Variants in NLRP11 observed in about 807,000 individuals in gnomAD.
The protein encoded by NLRP11 is NLR family pyrin domain containing 11.
Under a neutral mutation model 79.3 loss-of-function variants are expected in NLRP11, and 53 were observed. That is an observed-to-expected ratio of 0.67 (90% CI 0.54 to 0.84). The LOEUF (loss-of-function observed/expected upper bound fraction) is 0.84, where lower values mean the gene tolerates loss of function less well. Ranked by LOEUF, NLRP11 falls within the 40% of genes least tolerant of loss-of-function variation. NLRP11 has a pLI of 0.00. For missense variants in NLRP11, 1,264 were observed against 1,255.0 expected, an observed-to-expected ratio of 1.01 and a Z score of -0.11; for synonymous variants, 518 against 462.6, an observed-to-expected ratio of 1.12 and a Z score of -1.54.
At chr19:55,822,953 G>C (rs918276918) in intron 1 of NLRP11, among the ~76,000 whole-genome samples, 51 of 152,268 alleles carry the variant, frequency 3.3e-4, no homozygotes, top group Admixed American at 3.9e-4. Flanking sequence ...CTCCACCTCT[G>C]GGGGCAGGGC....
chr19:55,798,277 C>A, intron 5 of NLRP11: 2 of 975,282 alleles, frequency 2.1e-6, no homozygotes, highest in Non-Finnish European at 2.4e-6. Flanking sequence ...GGATTCCAGG[C>A]GTGAGCCGTC....
chr19:55,806,299 C>A (rs1028646182), intron 4 of NLRP11, among the ~76,000 whole-genome samples: 1 of 152,234 alleles, frequency 6.6e-6, no homozygotes, highest in Non-Finnish European at 1.5e-5. Context: ...TTACACACTG[C>A]TCTCTGGACA....
At chr19:55,831,100 A>ACCCCCCCCCCCCCCCCCCCCC (rs1568647584) in intron 1 of NLRP11, among the ~76,000 whole-genome samples, 1 of 27,522 alleles carries the variant, frequency 3.6e-5, no homozygotes. Context: ...CCACCGCCCC[A>ACCCCCCCCCCCCCCCCCCCCC]CCCCCCCCAT....
Position 55,820,349 on chromosome 19 carries a change from T to C in NLRP11, c.-62-2113A>G, listed in dbSNP as rs1981567541. ...CTCAGTTTTAGGAAATCATATACAA[T>C]TTTAGGGCAAAGGAGAAGACAAACC... On this transcript the variant is annotated intron_variant, in intron 1 of 9. Coordinates refer to ENST00000589093, the Ensembl canonical transcript of NLRP11. 3.3e-5 allele frequency among the ~76,000 whole-genome samples: 5 copies of C among 150,780 alleles called. No homozygotes were observed. The South Asian group carries it at 8.9e-4, about 27-fold the overall frequency.
chr19:55,796,143 C>G, exon 6 of NLRP11: 1 of 1,614,130 alleles, frequency 6.2e-7, no homozygotes, highest in Admixed American at 1.7e-5. Flanking sequence ...CATCCCGTCG[C>G]TCCTCAGCGG....
intron 1 of NLRP11, among the ~76,000 whole-genome samples, chr19:55,818,845 C>T (rs1423943137): frequency 6.6e-6 from 1 of 151,982 alleles, no homozygotes; most frequent in African/African-American, 2.4e-5. Flanking sequence ...AAAGACAGCC[C>T]CTAGGTTATT....
intron 2 of NLRP11, among the ~76,000 whole-genome samples, chr19:55,816,298 T>G (rs996679223): frequency 3.3e-5 from 5 of 152,240 alleles, no homozygotes; most frequent in Non-Finnish European, 5.9e-5. Context: ...AAGGTCATTA[T>G]GTAATACAGG....
At chr19:55,824,213 T>A (rs894190752) in intron 1 of NLRP11, among the ~76,000 whole-genome samples, 1 of 145,362 alleles carries the variant, frequency 6.9e-6, no homozygotes, top group Non-Finnish European at 1.5e-5. Context: ...AAGCAAATGC[T>A]GAGAGATTTT....
chr19:55,816,771 A>G (rs1455145753), intron 2 of NLRP11, among the ~76,000 whole-genome samples: 1 of 152,196 alleles, frequency 6.6e-6, no homozygotes, highest in African/African-American at 2.4e-5. Context: ...GCTCTAGCTC[A>G]AGTACTTTCT....
chr19:55,830,082 A>G (rs1045948156), intron 1 of NLRP11, among the ~76,000 whole-genome samples: 10 of 152,218 alleles, frequency 6.6e-5, no homozygotes, highest in Non-Finnish European at 1.5e-4. Flanking sequence ...AAGTGGACAC[A>G]TGCAGCTCAA....
intron 1 of NLRP11, among the ~76,000 whole-genome samples, chr19:55,827,076 A>G (rs1600205732): frequency 6.9e-6 from 1 of 144,328 alleles, no homozygotes; most frequent in Non-Finnish European, 1.5e-5. Context: ...GATATAGATC[A>G]ATGGAACAGA....
intron 9 of NLRP11, among the ~76,000 whole-genome samples, chr19:55,786,373 A>G (rs299185): frequency 0.4 from 60,325 of 151,808 alleles, 13,673 homozygotes; most frequent in Non-Finnish European, 0.5. Flanking sequence ...AAGATACAAA[A>G]ACTTAGCCGG....
Position 55,809,250 on chromosome 19 carries a change from G to A in NLRP11, c.1360C>T (p.Gln454Ter), listed in dbSNP as rs1159713609. ...AATGCAATGGCTGTACAAAACTCCT[G>A]GACGTTCAAGTGTATGAACTTGTAA... Residue 454 changes from glutamine (Q) to a stop codon, truncating the protein, a stop_gained, in exon 3 of 10, where the codon CAG becomes TAG. Transcript: ENST00000589093. LOFTEE classifies it high-confidence loss of function. This position sits in a 1 kb window ranked among gnomAD's most constrained non-coding sequence, Gnocchi z 4.5. 11 of 1,613,908 alleles carry A rather than the reference G, an allele frequency of 6.8e-6. No homozygotes were observed. The highest frequency in any genetic ancestry group is 2.5e-6 in the Non-Finnish European group (3 of 1,179,922).
intron 6 of NLRP11, among the ~76,000 whole-genome samples, chr19:55,794,495 T>C (rs974523559): frequency 6.6e-6 from 1 of 152,200 alleles, no homozygotes; most frequent in African/African-American, 2.4e-5. Flanking sequence ...ACACAGTGGC[T>C]CACATCTGTA....
chr19:55,817,813 C>G lies in NLRP11; in HGVS notation c.271+91G>C, dbSNP rs573389683. Reference sequence around the variant, plus strand: ...CAAATACCACCTGCTTCCCAGAAACCTATTTAGAAAAAAAAAAAAAAAAAG... The same window carrying G: ...CAAATACCACCTGCTTCCCAGAAACGTATTTAGAAAAAAAAAAAAAAAAAG... On this transcript the variant is annotated intron_variant, in intron 2 of 9. Coordinates refer to ENST00000589093, the Ensembl canonical transcript of NLRP11. 4.2e-6 allele frequency: 4 copies of G among 960,894 alleles called. No individual in the cohort carries two copies. The South Asian group carries it at 6.7e-5, about 16-fold the overall frequency. The allele number at this position is 960,894 out of a possible 1,614,324, so 59.5% of individuals were successfully genotyped here.
intron 1 of NLRP11, among the ~76,000 whole-genome samples, chr19:55,823,200 G>T (rs1353218762): frequency 6.9e-6 from 1 of 144,586 alleles, no homozygotes; most frequent in Non-Finnish European, 1.5e-5. Flanking sequence ...GCAGCTGAGG[G>T]TCCTGTCTGT....
chr19:55,816,596 G>A (rs940560619), intron 2 of NLRP11, among the ~76,000 whole-genome samples: 2 of 152,124 alleles, frequency 1.3e-5, no homozygotes, highest in Non-Finnish European at 2.9e-5. Context: ...TACCCAAAAT[G>A]TTAACCCTCC....
chr19:55,830,980 G>C (rs1247786940), intron 1 of NLRP11, among the ~76,000 whole-genome samples: 1 of 152,130 alleles, frequency 6.6e-6, no homozygotes, highest in African/African-American at 2.4e-5. Flanking sequence ...ACACTGATTA[G>C]AGACTTTGGA....
intron 6 of NLRP11, among the ~76,000 whole-genome samples, chr19:55,793,006 G>T (rs1349241134): frequency 2.6e-5 from 4 of 151,990 alleles, no homozygotes; most frequent in Admixed American, 2.6e-4. Flanking sequence ...TCCTAATCTG[G>T]ATTTCCAGCC....
Sources: gnomAD v4.1 joint callset for allele counts (sites outside exome capture counted in the v4.1 genomes callset) on GRCh38, gnomAD v4.1.1 for gene constraint, Gnocchi (gnomAD v3.1) non-coding constraint, MANE v1.5 for transcripts, NCBI Gene and HGNC (gene_info 2026-07-23, HGNC 2026-07-21) for gene names.